Variants in STMND1 observed in about 807,000 individuals in gnomAD.
STMND1 encodes stathmin domain-containing protein 1.
Under a neutral mutation model 23.0 loss-of-function variants are expected in STMND1, and 17 were observed. The observed-to-expected ratio is 0.74, with a 90% CI of 0.51 to 1.11. STMND1 has a LOEUF of 1.11. Among genes scored for constraint, STMND1 ranks in the 50% least tolerant of loss-of-function variants. STMND1 has a pLI of 0.00. For missense variants in STMND1, 305 were observed against 329.1 expected (o/e 0.93, Z 0.57); for synonymous variants, 114 against 119.9 (o/e 0.95, Z 0.32).
intron 3 of STMND1, among the ~76,000 whole-genome samples, chr6:17,126,557 C>G (rs769515375): frequency 2.0e-5 from 3 of 152,158 alleles, no homozygotes; most frequent in African/African-American, 7.2e-5. Context: ...TAGCCTTCTA[C>G]GCATGAACAT....
chr6:17,113,668 A>G (rs899027677), intron 1 of STMND1, among the ~76,000 whole-genome samples: 1 of 136,334 alleles, frequency 7.3e-6, no homozygotes, highest in Non-Finnish European at 1.6e-5. Flanking sequence ...GGGTTTCGCC[A>G]CCTTGCCCAG....
intron 2 of STMND1, 45 bp downstream of exon 2, chr6:17,115,184 T>C: frequency 6.7e-7 from 1 of 1,491,696 alleles, no homozygotes. Context: ...CACAAAATAC[T>C]GTTTCTCTAA....
intron 1 of STMND1, among the ~76,000 whole-genome samples, chr6:17,108,248 G>A (rs1352025906): frequency 6.6e-6 from 1 of 152,194 alleles, no homozygotes; most frequent in Non-Finnish European, 1.5e-5. Context: ...AGGTCACTGA[G>A]GTTGTGGTAT....
chr6:17,117,777 G>A (rs1761180386), intron 2 of STMND1, among the ~76,000 whole-genome samples: 1 of 133,914 alleles, frequency 7.5e-6, no homozygotes, highest in African/African-American at 2.7e-5. Flanking sequence ...CCAGATTCAA[G>A]CAAGCAATTC....
intron 1 of STMND1, among the ~76,000 whole-genome samples, chr6:17,105,279 A>AT (rs1218816101): frequency 2.0e-5 from 3 of 152,240 alleles, no homozygotes; most frequent in African/African-American, 7.2e-5. Flanking sequence ...TAAACTCAGT[A>AT]TAAGTCAAGT....
chr6:17,119,113 C>T (rs1380319462), intron 2 of STMND1, among the ~76,000 whole-genome samples: 1 of 152,104 alleles, frequency 6.6e-6, no homozygotes, highest in African/African-American at 2.4e-5. Context: ...AGTTGACCTC[C>T]CCGTATGACA....
intron 1 of STMND1, chr6:17,110,763 G>C: frequency 4.4e-6 from 2 of 455,434 alleles, no homozygotes; most frequent in South Asian, 3.1e-5. Context: ...GCAAGACTCT[G>C]TCTCAAAAAA....
At chr6:17,125,843 A>C (rs977989228) in intron 3 of STMND1, among the ~76,000 whole-genome samples, 2 of 151,876 alleles carry the variant, frequency 1.3e-5, no homozygotes, top group Non-Finnish European at 2.9e-5. Flanking sequence ...GTATGTAAGA[A>C]GTAAAATATA....
At position 17,102,266 on chromosome 6, in the gene STMND1, T is replaced by C. The variant is rs1447474961; in HGVS notation, c.9T>C (p.Cys3=). The change falls in exon 1 of 5, where the codon TGT becomes TGC. Residue 3 remains cysteine (C), a synonymous_variant. Transcript: ENST00000536551. ...GAGCGCGCGCGCGCAGCATGGGCTG[T>C]GGACCTTCCCAACCTGCTGAAGACC... The part of the protein sequence containing the change: MG[C]GPSQPAEDRR... The C allele has an allele frequency of 3.2e-5, 49 of 1,535,912 alleles. No individual in the cohort carries two copies. Among genetic ancestry groups the C allele is most frequent in the Non-Finnish European group, 3.9e-5 (45 of 1,146,800 alleles).
At chr6:17,117,377 A>T (rs1183149382) in intron 2 of STMND1, among the ~76,000 whole-genome samples, 3 of 151,962 alleles carry the variant, frequency 2.0e-5, no homozygotes, top group African/African-American at 7.2e-5. Flanking sequence ...CCAGGAAATT[A>T]CCTCTGATGT....
chr6:17,108,717 G>A (rs1390647786), intron 1 of STMND1, among the ~76,000 whole-genome samples: 1 of 139,110 alleles, frequency 7.2e-6, no homozygotes, highest in Non-Finnish European at 1.5e-5. Context: ...TTTTGAGATG[G>A]AGATGGAGTC....
intron 1 of STMND1, among the ~76,000 whole-genome samples, chr6:17,103,846 A>G (rs1760979274): frequency 6.6e-6 from 1 of 152,038 alleles, no homozygotes; most frequent in Non-Finnish European, 1.5e-5. Context: ...CTGGGATTAC[A>G]GGTGTAACTC....
chr6:17,114,943 A>T lies in STMND1; in HGVS notation c.82-19A>T. Reference sequence around the variant, plus strand: ...TACCAAGAAATCTTGACTCTAACAAAACTGTTCCCTTTTCACAGGCTGATG... The same window carrying T: ...TACCAAGAAATCTTGACTCTAACAATACTGTTCCCTTTTCACAGGCTGATG... On this transcript the variant is annotated intron_variant, in intron 1 of 4. Transcript: ENST00000536551. 1 of 1,499,456 alleles carries T rather than the reference A, an allele frequency of 6.7e-7. No homozygotes were observed. Among genetic ancestry groups the T allele is most frequent in the South Asian group, 1.3e-5 (1 of 77,778 alleles). 92.9% of individuals were successfully genotyped at this position (1,499,456 alleles called of 1,614,324 possible). A position where few individuals can be genotyped will look rare whatever the true frequency, so the allele number is the denominator to read the frequency against.
In STMND1 at chr6:17,102,343, T is replaced by TAAACAAAC. The variant is rs35221460; in HGVS notation, c.81+27_81+34dup. ...GGCTGGAAAGAGGAATTCAAGGTAA[T>TAAACAAAC]AAACAAACAAACAAACAAACAAACA... On this transcript the variant is annotated splice_donor_region_variant and intron_variant, in intron 1 of 4. Transcript: ENST00000536551. 33 of 1,520,858 alleles carry TAAACAAAC rather than the reference T, an allele frequency of 2.2e-5. No homozygotes were observed. The highest frequency in any genetic ancestry group is 1.4e-4 in the African/African-American group (10 of 72,384). 94.2% of individuals were successfully genotyped at this position (1,520,858 alleles called of 1,614,324 possible).
chr6:17,126,062 ATATATATATT>A (rs1364547784), intron 3 of STMND1, among the ~76,000 whole-genome samples: 9 of 24,366 alleles, frequency 3.7e-4, no homozygotes, highest in African/African-American at 1.6e-3. Context: ...ATATATATAT[ATATATATATT>A]TTTTTTTTTT....
In STMND1 at chr6:17,116,590, C is replaced by T. The variant is rs569021115; in HGVS notation, c.259+1451C>T. On this transcript the variant is annotated intron_variant, in intron 2 of 4. Transcript: ENST00000536551. ...GAGTAGCTGGGATTACAGGCATGCGCCACCATGTCCAGCTAATTTTTGTAT... is the reference window on the plus strand; with the variant it reads ...GAGTAGCTGGGATTACAGGCATGCGTCACCATGTCCAGCTAATTTTTGTAT... Among the ~76,000 whole-genome samples the T allele has an allele frequency of 3.9e-4, 60 of 152,190 alleles. 2 individuals carry two copies. The South Asian group carries it at 0.012, about 31-fold the overall frequency.
chr6:17,103,033 G>A (rs1327875696), intron 1 of STMND1, among the ~76,000 whole-genome samples: 1 of 152,158 alleles, frequency 6.6e-6, no homozygotes, highest in African/African-American at 2.4e-5. Flanking sequence ...GAGACCTAGA[G>A]GGATGAGTTG....
intron 3 of STMND1, among the ~76,000 whole-genome samples, chr6:17,125,532 TG>T (rs1266442264): frequency 1.3e-5 from 2 of 152,210 alleles, no homozygotes; most frequent in African/African-American, 4.8e-5. Flanking sequence ...CTTCTATACT[TG>T]GGAACCTGAA....
intron 3 of STMND1, among the ~76,000 whole-genome samples, chr6:17,126,047 TA>T (rs1761291497): frequency 3.3e-5 from 1 of 30,346 alleles, no homozygotes; most frequent in African/African-American, 1.6e-4. Flanking sequence ...TATATATATA[TA>T]TATATATATA....
Sources: allele counts gnomAD v4.1 joint callset (sites outside exome capture counted in the v4.1 genomes callset), GRCh38; gene constraint gnomAD v4.1.1; transcripts MANE v1.5; gene names NCBI Gene and HGNC (gene_info 2026-07-23, HGNC 2026-07-21).